ANKS1A: variants seen among roughly 807,000 people sequenced by gnomAD.
The protein encoded by ANKS1A is ankyrin repeat and sterile alpha motif domain containing 1A.
Under a neutral mutation model 120.3 loss-of-function variants are expected in ANKS1A, and 55 were observed. The ratio of observed to expected loss-of-function variants is 0.46; its 90% CI spans 0.37 to 0.57. ANKS1A has a LOEUF of 0.57. ANKS1A is among the 20% of genes least tolerant of loss of function. The pLI is 0.00. For missense variants in ANKS1A, 1,123 were observed against 1,480.3 expected, an observed-to-expected ratio of 0.76 and a Z score of 3.96; for synonymous variants, 590 against 604.7, an observed-to-expected ratio of 0.98 and a Z score of 0.36.
chr6:35,066,284 C>T lies in ANKS1A; in HGVS notation c.2184+6031C>T, dbSNP rs570678168. The stretch of plus-strand genomic sequence containing the variant: ...GGCAGCAGTCTTTCTCTGCAGGCTG[C>T]AGAGGTTGGTTTTGTCTCAGTCTTG... On this transcript the variant is annotated intron_variant, in intron 13 of 23. Transcript: ENST00000360359. 7.2e-5 allele frequency among the ~76,000 whole-genome samples: 11 copies of T among 152,244 alleles called. No individual in the cohort carries two copies. In the East Asian group the frequency reaches 2.1e-3, roughly 29 times the overall value.
intron 8 of ANKS1A, among the ~76,000 whole-genome samples, chr6:34,988,199 T>G (rs1772308993): frequency 6.6e-6 from 1 of 152,260 alleles, no homozygotes; most frequent in South Asian, 2.1e-4. Context: ...CTCATTTATT[T>G]ACATATCATC....
chr6:35,080,868 C>G (rs747380462), intron 16 of ANKS1A, 126 bp from the exon 17 acceptor site: 1 of 1,217,502 alleles, frequency 8.2e-7, no homozygotes, highest in East Asian at 2.5e-5. Context: ...GTGTTGGCCC[C>G]TTCGCTCCCT....
chr6:35,084,358 G>A lies in ANKS1A; in HGVS notation c.3132+100G>A. On this transcript the variant is annotated intron_variant, in intron 21 of 23. Transcript: ENST00000360359. This position sits in a 1 kb window ranked among gnomAD's most constrained non-coding sequence, Gnocchi z 4.8. ...CAGATGCGGCGCTGTCCTGGCCCCT[G>A]GCCAGTGCCTGGCAAATGTTTGGTT... 1 of 1,478,566 alleles carries A rather than the reference G, an allele frequency of 6.8e-7. No homozygotes were observed. Among genetic ancestry groups the A allele is most frequent in the Admixed American group, 2.2e-5 (1 of 44,480 alleles). 91.6% of individuals were successfully genotyped at this position (1,478,566 alleles called of 1,614,324 possible).
chr6:34,906,602 A>G (rs2127453146), intron 1 of ANKS1A, among the ~76,000 whole-genome samples: 1 of 152,346 alleles, frequency 6.6e-6, no homozygotes, highest in Non-Finnish European at 1.5e-5. Flanking sequence ...TCCAATTATA[A>G]ATGTAGGAAT....
At chr6:35,047,266 A>C (rs1228195816) in intron 11 of ANKS1A, among the ~76,000 whole-genome samples, 1 of 152,226 alleles carries the variant, frequency 6.6e-6, no homozygotes, top group African/African-American at 2.4e-5. Context: ...TGATATTATA[A>C]GACAGGTGTT....
Position 34,895,195 on chromosome 6 carries a change from G to T in ANKS1A, c.197+5596G>T, listed in dbSNP as rs377736615. ...TCCTAATATTTATTTAAGGACTTTGGTTTTTTTTTTTTTTTAATTAAAAAA... is the reference window on the plus strand; with the variant it reads ...TCCTAATATTTATTTAAGGACTTTGTTTTTTTTTTTTTTTTAATTAAAAAA... On this transcript the variant is annotated intron_variant, in intron 1 of 23. Transcript: ENST00000360359. Among the ~76,000 whole-genome samples, 347 of 138,038 alleles carry T rather than the reference G, an allele frequency of 2.5e-3. 4 individuals carry two copies. The highest frequency in any genetic ancestry group is 2.4e-3 in the Non-Finnish European group (154 of 65,234). The allele number at this position is 138,038 out of a possible 152,430, so 90.6% of individuals were successfully genotyped here. A position where few individuals can be genotyped will look rare whatever the true frequency, so the allele number is the denominator to read the frequency against.
chr6:35,010,052 G>T (rs941111834), intron 10 of ANKS1A: 3 of 188,114 alleles, frequency 1.6e-5, no homozygotes, highest in Non-Finnish European at 3.4e-5. Context: ...GCTGGGTGTG[G>T]TGGTGTGCAC....
rs557984860 is a variant in ANKS1A at position 35,003,887 on chromosome 6, G to A, written c.1423+9465G>A. ...TTTATACTCAGAAAAGGAAAGAGAA[G>A]CAAAACTAAAGGCAGGTAGCCTGGC... On this transcript the variant is annotated intron_variant, in intron 10 of 23. Transcript: ENST00000360359. Among the ~76,000 whole-genome samples the A allele has an allele frequency of 3.3e-5, 5 of 152,290 alleles. No individual in the cohort carries two copies. In the South Asian group the frequency reaches 1.0e-3, roughly 32 times the overall value.
chr6:34,965,848 G>A (rs577458040), intron 1 of ANKS1A, among the ~76,000 whole-genome samples: 117 of 151,960 alleles, frequency 7.7e-4, no homozygotes, highest in African/African-American at 2.8e-3. Flanking sequence ...CTGGATTCAA[G>A]CAATTCTTCT....
intron 7 of ANKS1A, 128 bp downstream of exon 7, chr6:34,983,553 C>T: frequency 1.2e-6 from 1 of 812,978 alleles, no homozygotes; most frequent in South Asian, 1.8e-5. Flanking sequence ...AGTTTATATT[C>T]AGTTCATTTT....
At chr6:34,981,148 A>G (rs1771884486) in intron 3 of ANKS1A, among the ~76,000 whole-genome samples, 1 of 152,028 alleles carries the variant, frequency 6.6e-6, no homozygotes, top group South Asian at 2.1e-4. Flanking sequence ...TGATACCTTG[A>G]GCGATTTTTA....
At position 34,982,725 on chromosome 6, in the gene ANKS1A, C is replaced by T. The variant is rs138146972; in HGVS notation, c.733-27C>T. The T allele has an allele frequency of 2.8e-3, 4,537 of 1,613,748 alleles. 11 individuals carry two copies. Among genetic ancestry groups the T allele is most frequent in the South Asian group, 4.0e-3 (361 of 91,084 alleles). On this transcript the variant is annotated intron_variant, in intron 4 of 23. Transcript: ENST00000360359. This position sits in a 1 kb window ranked among gnomAD's most constrained non-coding sequence, Gnocchi z 4.9. ...GCACCAAACTGTTCTGATGACATCC[C>T]GCTCTGCGCTCTCGTTTGCTTTCCA...
At chr6:35,030,288 G>GGA (rs760712437) in intron 11 of ANKS1A, among the ~76,000 whole-genome samples, 6 of 152,184 alleles carry the variant, frequency 3.9e-5, no homozygotes, top group Non-Finnish European at 5.9e-5. Flanking sequence ...ACTTACGAAA[G>GGA]GAGTCTCCTG....
rs773391139 is a variant in ANKS1A, at chr6:35,086,265, C to T, written c.3303+329C>T. The T allele has an allele frequency of 3.8e-5, 51 of 1,346,018 alleles. No homozygotes were observed. The African/African-American group carries it at 5.6e-4, about 15-fold the overall frequency. The allele number at this position is 1,346,018 out of a possible 1,614,324, so 83.4% of individuals were successfully genotyped here. A position where few individuals can be genotyped will look rare whatever the true frequency, so the allele number is the denominator to read the frequency against. On this transcript the variant is annotated intron_variant, in intron 22 of 23. Transcript: ENST00000360359. This position sits in a 1 kb window ranked among gnomAD's most constrained non-coding sequence, Gnocchi z 5.1. ...TGTCTGTGTCTGCTTTGCTCTGCAC[C>T]CCAGGTGCCGCTGCCCCCCGATAGT...
chr6:34,900,614 C>T (rs1767300473), intron 1 of ANKS1A, among the ~76,000 whole-genome samples: 1 of 152,116 alleles, frequency 6.6e-6, no homozygotes, highest in African/African-American at 2.4e-5. Flanking sequence ...GAGGAATACA[C>T]TAGTAGTATT....
intron 11 of ANKS1A, among the ~76,000 whole-genome samples, chr6:35,018,935 C>T (rs1221454018): frequency 6.6e-6 from 1 of 152,114 alleles, no homozygotes; most frequent in Non-Finnish European, 1.5e-5. Flanking sequence ...ACTGTGCTGT[C>T]CTGGAAGGCC....
At chr6:34,943,906 C>G (rs1379614073) in intron 1 of ANKS1A, among the ~76,000 whole-genome samples, 1 of 152,088 alleles carries the variant, frequency 6.6e-6, no homozygotes, top group Admixed American at 6.5e-5. Flanking sequence ...GGGTAAATAC[C>G]CAGGAGCATG....
At chr6:35,002,452 T>C (rs542555798) in intron 10 of ANKS1A, among the ~76,000 whole-genome samples, 54 of 152,338 alleles carry the variant, frequency 3.5e-4, no homozygotes, top group African/African-American at 1.3e-3. Context: ...GGACTTCAAC[T>C]GACCTTCCTC....
At chr6:35,006,729 T>C (rs1773478692) in intron 10 of ANKS1A, among the ~76,000 whole-genome samples, 1 of 152,326 alleles carries the variant, frequency 6.6e-6, no homozygotes, top group East Asian at 1.9e-4. Flanking sequence ...CACTCCAGCC[T>C]GGGTGACAGA....
Sources: allele counts gnomAD v4.1 joint callset (sites outside exome capture counted in the v4.1 genomes callset), GRCh38; gene constraint gnomAD v4.1.1; non-coding constraint Gnocchi (gnomAD v3.1); transcripts MANE v1.5; gene names NCBI Gene and HGNC (gene_info 2026-07-23, HGNC 2026-07-21).